ZFAND4: variants seen among roughly 807,000 people sequenced by gnomAD.
ZFAND4 encodes the protein AN1-type zinc finger protein 4.
In ZFAND4, 43 loss-of-function variants were observed where a neutral mutation model predicts 64.4. The ratio of observed to expected loss-of-function variants is 0.67; its 90% CI spans 0.52 to 0.86. The LOEUF is 0.86. Ranked by LOEUF, ZFAND4 falls within the 40% of genes least tolerant of loss-of-function variation. The pLI is 0.00. For missense variants in ZFAND4, 929 were observed against 859.8 expected (o/e 1.08, Z -1.01); for synonymous variants, 296 against 305.7 (o/e 0.97, Z 0.33).
chr10:45,664,987 T>C (rs112759024), intron 1 of ZFAND4, among the ~76,000 whole-genome samples: 3,117 of 152,274 alleles, frequency 0.02, 116 homozygotes, highest in African/African-American at 0.07. Context: ...GAGGATATTA[T>C]AGCATTCAGA....
chr10:45,640,409 G>T, intron 5 of ZFAND4: 1 of 1,186,298 alleles, frequency 8.4e-7, no homozygotes, highest in Non-Finnish European at 1.1e-6. Context: ...TAGTCATCCT[G>T]AGGAGATTCT....
intron 5 of ZFAND4, 75 bp from the exon 6 acceptor site, chr10:45,640,038 G>A: frequency 1.4e-6 from 2 of 1,473,284 alleles, no homozygotes; most frequent in Admixed American, 4.5e-5. Flanking sequence ...ATATGAAACA[G>A]CAATCTATAG....
At chr10:45,658,992 C>T (rs1356519024) in intron 2 of ZFAND4, among the ~76,000 whole-genome samples, 1 of 152,040 alleles carries the variant, frequency 6.6e-6, no homozygotes, top group African/African-American at 2.4e-5. Context: ...ATAGGCAAAC[C>T]CAGAGAGTCA....
Position 45,626,981 on chromosome 10 carries a change from G to C in ZFAND4, c.842C>G (p.Pro281Arg), listed in dbSNP as rs1256858745. 3.1e-6 allele frequency: 5 copies of C among 1,614,074 alleles called. No individual in the cohort carries two copies. Among genetic ancestry groups the C allele is most frequent in the African/African-American group, 1.3e-5 (1 of 75,066 alleles). ...GGGCGGATATGCATTCCCAAAAGCA[G>C]GTGAACAAGATTGACCAATGTTGGG... ...VLPNIGQSCS[P>R]AFGNAYPPEI... The change falls in exon 7 of 10, where the codon CCT (proline) becomes CGT (arginine). Residue 281 changes from proline to arginine, a missense_variant. Transcript: ENST00000344646.
At chr10:45,632,764 T>A (rs754898418) in intron 6 of ZFAND4, among the ~76,000 whole-genome samples, 13 of 152,014 alleles carry the variant, frequency 8.6e-5, no homozygotes, top group Non-Finnish European at 1.6e-4. Flanking sequence ...AATAAGACAT[T>A]TAAGACCAAA....
chr10:45,657,254 G>C (rs1035203526), intron 2 of ZFAND4, among the ~76,000 whole-genome samples: 2 of 152,142 alleles, frequency 1.3e-5, no homozygotes, highest in African/African-American at 4.8e-5. Context: ...GGACTTGAGT[G>C]ATCCACCTGG....
chr10:45,623,066 GAC>G (rs1431140914), intron 8 of ZFAND4, among the ~76,000 whole-genome samples: 2 of 152,136 alleles, frequency 1.3e-5, no homozygotes, highest in Non-Finnish European at 2.9e-5. Context: ...AAACCACAGT[GAC>G]ATCACCTCAC....
At chr10:45,654,444 C>A (rs1026444379) in intron 2 of ZFAND4, among the ~76,000 whole-genome samples, 4 of 152,050 alleles carry the variant, frequency 2.6e-5, no homozygotes, top group Non-Finnish European at 5.9e-5. Flanking sequence ...CATGGTGAAA[C>A]CCCGTCTCTA....
At chr10:45,624,749 T>C (rs2045676672) in intron 7 of ZFAND4, 112 bp from the exon 8 acceptor site, 4 of 859,290 alleles carry the variant, frequency 4.7e-6, no homozygotes, top group Admixed American at 2.8e-5. Context: ...ACTTTCATTT[T>C]AAATTATTTA....
At chr10:45,642,910 CTTTTT>C (rs749998698) in intron 5 of ZFAND4, among the ~76,000 whole-genome samples, 2 of 83,832 alleles carry the variant, frequency 2.4e-5, no homozygotes, top group Non-Finnish European at 4.4e-5. Context: ...TTCTCCAAAT[CTTTTT>C]TTTTTTTTTT....
At chr10:45,664,691 C>T (rs1002399578) in intron 1 of ZFAND4, among the ~76,000 whole-genome samples, 5 of 151,850 alleles carry the variant, frequency 3.3e-5, no homozygotes, top group East Asian at 2.0e-4. Flanking sequence ...TTTGGGAGGC[C>T]GAGATGGCAG....
intron 4 of ZFAND4, among the ~76,000 whole-genome samples, chr10:45,649,276 G>C (rs982623763): frequency 2.0e-5 from 3 of 151,990 alleles, no homozygotes; most frequent in African/African-American, 7.3e-5. Flanking sequence ...CTTAAGAGCT[G>C]TTCCTTGACA....
intron 9 of ZFAND4, among the ~76,000 whole-genome samples, chr10:45,617,128 C>A (rs527340303): frequency 1.3e-5 from 2 of 151,414 alleles, no homozygotes; most frequent in African/African-American, 4.8e-5. Flanking sequence ...AGAACTCTAT[C>A]AGTAGTAAAA....
At position 45,641,367 on chromosome 10, in the gene ZFAND4, A is replaced by T. The variant is rs145525503; in HGVS notation, c.570-1404T>A. On this transcript the variant is annotated intron_variant, in intron 5 of 9. Coordinates refer to ENST00000344646, the MANE Select transcript of ZFAND4 (RefSeq NM_174890.4). ...AGGTTATCTACACTATGGAAGTATG[A>T]GGAAAATTTCCCGTTTTATATGGTT... is the stretch of plus-strand genomic sequence containing the variant. Among the ~76,000 whole-genome samples the T allele has an allele frequency of 7.9e-5, 12 of 152,344 alleles. No homozygotes were observed. In the East Asian group the frequency reaches 2.3e-3, roughly 29 times the overall value.
intron 6 of ZFAND4, among the ~76,000 whole-genome samples, chr10:45,638,366 C>T (rs142579723): frequency 1.1e-4 from 16 of 149,644 alleles, no homozygotes; most frequent in Admixed American, 2.7e-4. Flanking sequence ...TAGTGGCGGG[C>T]GCCTGTGGTC....
At chr10:45,662,310 T>A (rs908941792) in intron 2 of ZFAND4, among the ~76,000 whole-genome samples, 1 of 152,226 alleles carries the variant, frequency 6.6e-6, no homozygotes, top group Admixed American at 6.5e-5. Context: ...TTCTGACTCA[T>A]GGAAACTAAA....
chr10:45,621,421 TAAA>T (rs537785392), intron 8 of ZFAND4, among the ~76,000 whole-genome samples: 9 of 129,022 alleles, frequency 7.0e-5, no homozygotes, highest in Non-Finnish European at 6.8e-5. Flanking sequence ...GAGGGCTGGT[TAAA>T]AAAAAAAAAA....
At position 45,648,891 on chromosome 10, in the gene ZFAND4, T is replaced by C. The variant is rs2047572321; in HGVS notation, c.329-357A>G. ...ATTACTATCAATAATTTTTTTACTA[T>C]ATACTTTCTGCTCCCTATATTTTCA... On this transcript the variant is annotated intron_variant, in intron 4 of 9. Coordinates refer to ENST00000344646, the MANE Select transcript of ZFAND4 (RefSeq NM_174890.4). 7 of 948,484 alleles carry C rather than the reference T, an allele frequency of 7.4e-6. 1 individual carries two copies. In the African/African-American group the frequency reaches 1.1e-4, roughly 14 times the overall value. 58.8% of individuals were successfully genotyped at this position (948,484 alleles called of 1,614,324 possible).
intron 5 of ZFAND4, among the ~76,000 whole-genome samples, chr10:45,645,671 G>C (rs531177639): frequency 2.6e-5 from 4 of 152,096 alleles, no homozygotes; most frequent in Non-Finnish European, 4.4e-5. Flanking sequence ...TGAATTACAC[G>C]TAACAGCAAG....
Sources: gnomAD v4.1 joint callset for allele counts (sites outside exome capture counted in the v4.1 genomes callset) on GRCh38, gnomAD v4.1.1 for gene constraint, MANE v1.5 for transcripts, NCBI Gene and HGNC (gene_info 2026-07-23, HGNC 2026-07-21) for gene names.